Variants in RELL2 observed in about 807,000 individuals in gnomAD.
RELL2 encodes RELT like 2, also known as RELT-like protein 2.
Under a neutral mutation model 27.5 loss-of-function variants are expected in RELL2, and 18 were observed. The ratio of observed to expected loss-of-function variants is 0.65; its 90% CI spans 0.45 to 0.97. RELL2 has a LOEUF of 0.97. Among genes scored for constraint, RELL2 ranks in the 50% least tolerant of loss-of-function variants. RELL2 has a pLI of 0.00. For missense variants in RELL2, 370 were observed against 397.5 expected (o/e 0.93, Z 0.59); for synonymous variants, 156 against 147.5 (o/e 1.06, Z -0.42).
At chr5:141,638,437 C>G (rs2099906414) in intron 1 of RELL2, 28 bp downstream of exon 1, 1 of 1,585,006 alleles carries the variant, frequency 6.3e-7, no homozygotes, top group Non-Finnish European at 8.6e-7. Context: ...AACCCTGGCT[C>G]AGTCACCTTT....
In RELL2 at chr5:141,639,607, G is replaced by C. The variant is rs150312997; in HGVS notation, c.461G>C (p.Ser154Thr). The change falls in exon 4 of 7, where the codon AGC (serine) becomes ACC (threonine). Residue 154 changes from serine to threonine, a missense_variant. Ser to Thr is a moderately conservative substitution (Grantham distance 58, BLOSUM62 1). Coordinates refer to ENST00000297164, the MANE Select transcript of RELL2 (RefSeq NM_173828.5). The surrounding 1 kb of genome is among the most constrained non-coding windows in gnomAD (Gnocchi z 4.4). ...CAGGGACGCTCCAAGGAAGGAAAAA[G>C]CCGCCCCCGGACAGGGGAGACCACT... is the stretch of plus-strand genomic sequence containing the variant. ...VRQGRSKEGK[S>T]RPRTGETTVF... The C allele has an allele frequency of 1.9e-4, 300 of 1,613,542 alleles. 2 individuals carry two copies. The African/African-American group carries it at 2.2e-3, about 12-fold the overall frequency.
Position 141,640,703 on chromosome 5 carries a change from G to A in RELL2, c.*34G>A, listed in dbSNP as rs1421714431. 6.5e-7 allele frequency: 1 copy of A among 1,532,866 alleles called. No homozygotes were observed. The highest frequency in any genetic ancestry group is 1.4e-5 in the African/African-American group (1 of 73,068). The allele number at this position is 1,532,866 out of a possible 1,614,324, so 95.0% of individuals were successfully genotyped here. ...CATTGTGCTGATGGACTACCAGCTG[G>A]CAGGGCCAGGGGGTGGGTGGGCGTG... On this transcript the variant is annotated 3_prime_UTR_variant, in exon 7 of 7. Coordinates refer to ENST00000297164, the MANE Select transcript of RELL2 (RefSeq NM_173828.5).
Position 141,639,835 on chromosome 5 carries a change from A to C in RELL2, c.504-85A>C. The C allele has an allele frequency of 6.8e-7, 1 of 1,478,088 alleles. No individual in the cohort carries two copies. Among genetic ancestry groups the C allele is most frequent in the Non-Finnish European group, 9.4e-7 (1 of 1,064,952 alleles). 91.6% of individuals were successfully genotyped at this position (1,478,088 alleles called of 1,614,324 possible). On this transcript the variant is annotated intron_variant, in intron 4 of 6. Coordinates refer to ENST00000297164, the MANE Select transcript of RELL2 (RefSeq NM_173828.5). This position sits in a 1 kb window ranked among gnomAD's most constrained non-coding sequence, Gnocchi z 4.4. ...CTTAGGCCAGAGGGAAGTAGCCACC[A>C]AACTCAGGATGTCCCTGGTCAGAGG...
At position 141,639,503 on chromosome 5, in the gene RELL2, CCAT is replaced by C. The variant is rs779865975; in HGVS notation, c.363_365del (p.His122del). ...CCAGCCTGCAGGACGGAGCCCCCTC[CCAT>C]CATCACACAGTGCACCTGGGCTCTG... is the stretch of plus-strand genomic sequence containing the variant. On this transcript the variant is annotated inframe_deletion, in exon 4 of 7. Coordinates refer to ENST00000297164, the MANE Select transcript of RELL2 (RefSeq NM_173828.5). This position sits in a 1 kb window ranked among gnomAD's most constrained non-coding sequence, Gnocchi z 4.4. The C allele has an allele frequency of 6.3e-5, 101 of 1,613,980 alleles. No homozygotes were observed. Among genetic ancestry groups the C allele is most frequent in the Admixed American group, 2.7e-4 (16 of 60,010 alleles).
rs1335265304 is a variant in RELL2, at chr5:141,640,824, G to A, written c.*155G>A. The A allele has an allele frequency of 8.4e-6, 6 of 710,070 alleles. No individual in the cohort carries two copies. The highest frequency in any genetic ancestry group is 1.4e-5 in the Non-Finnish European group (6 of 437,384). The allele number at this position is 710,070 out of a possible 1,614,324, so 44.0% of individuals were successfully genotyped here. The stretch of plus-strand genomic sequence containing the variant: ...CACAGTCTCAGGCTGGGGGCCTCAG[G>A]AGAGGTCACAGCCCCTCAGTCTCTT... On this transcript the variant is annotated 3_prime_UTR_variant, in exon 7 of 7. Coordinates refer to ENST00000297164, the MANE Select transcript of RELL2 (RefSeq NM_173828.5).
In RELL2 at chr5:141,639,756, C is replaced by T. The variant is rs541259955; in HGVS notation, c.503+107C>T. On this transcript the variant is annotated intron_variant, in intron 4 of 6. Transcript: ENST00000297164. The surrounding 1 kb of genome is among the most constrained non-coding windows in gnomAD (Gnocchi z 4.4). ...CTCTTTCCTCCTGGACTGGGAGCTC[C>T]GGCAGAAGTCAGGCTACACAATGTG... 5.5e-5 allele frequency: 73 copies of T among 1,316,532 alleles called. No individual in the cohort carries two copies. The East Asian group carries it at 1.6e-3, about 28-fold the overall frequency. 81.6% of individuals were successfully genotyped at this position (1,316,532 alleles called of 1,614,324 possible).
In RELL2 at chr5:141,640,938, C is replaced by T. The variant is rs1279610390; in HGVS notation, c.*269C>T. 7.8e-6 allele frequency: 4 copies of T among 514,960 alleles called. No homozygotes were observed. The highest frequency in any genetic ancestry group is 1.4e-5 in the Non-Finnish European group (4 of 292,452). The allele number at this position is 514,960 out of a possible 1,614,324, so 31.9% of individuals were successfully genotyped here. The stretch of plus-strand genomic sequence containing the variant: ...AGAGCGTGGCAGCTGGGAGCAGGCC[C>T]CTGCCCGTGGTGGGCCCCTAAAGCA... On this transcript the variant is annotated 3_prime_UTR_variant, in exon 7 of 7. Coordinates refer to ENST00000297164, the MANE Select transcript of RELL2 (RefSeq NM_173828.5).
At chr5:141,640,375 C>T (rs1596455857) in intron 5 of RELL2, 37 bp from the exon 6 acceptor site, 1 of 1,614,164 alleles carries the variant, frequency 6.2e-7, no homozygotes. Context: ...GGACCTACTC[C>T]TGGTCTCTCA....
Position 141,638,162 on chromosome 5 carries a change from AT to A in RELL2, c.-62del, listed in dbSNP as rs2099906360. 39 of 1,096,430 alleles carry A rather than the reference AT, an allele frequency of 3.6e-5. No homozygotes were observed. The highest frequency in any genetic ancestry group is 5.2e-5 in the Non-Finnish European group (39 of 743,324). 67.9% of individuals were successfully genotyped at this position (1,096,430 alleles called of 1,614,324 possible). On this transcript the variant is annotated 5_prime_UTR_variant, in exon 1 of 7. Coordinates refer to ENST00000297164, the MANE Select transcript of RELL2 (RefSeq NM_173828.5). The stretch of plus-strand genomic sequence containing the variant: ...AGGACGGCATTCCTACCCCTCCCCC[AT>A]TCCCAGCTGCAGCCCCCTAAACCCA...
Position 141,639,076 on chromosome 5 carries a change from C to T in RELL2, c.317+55C>T, listed in dbSNP as rs762202778. On this transcript the variant is annotated intron_variant, in intron 3 of 6. Transcript: ENST00000297164. The surrounding 1 kb of genome is among the most constrained non-coding windows in gnomAD (Gnocchi z 4.4). Reference sequence around the variant, plus strand: ...TAGCTTGCCTTGGAGAGTATCCTCTCCTCCAGCACAATCCTCTCCCAGCCT... The same window carrying T: ...TAGCTTGCCTTGGAGAGTATCCTCTTCTCCAGCACAATCCTCTCCCAGCCT... The T allele has an allele frequency of 3.4e-5, 50 of 1,468,486 alleles. No homozygotes were observed. The highest frequency in any genetic ancestry group is 4.5e-5 in the Non-Finnish European group (48 of 1,060,332). The allele number at this position is 1,468,486 out of a possible 1,614,324, so 91.0% of individuals were successfully genotyped here. A position where few individuals can be genotyped will look rare whatever the true frequency, so the allele number is the denominator to read the frequency against.
Position 141,639,135 on chromosome 5 carries a change from C to A in RELL2, c.317+114C>A. ...GTATGGGGTTGGGGGAAGGGCAAAG[C>A]TGGCTAACTTATAGGAAGAAAGTTG... On this transcript the variant is annotated intron_variant, in intron 3 of 6. Coordinates refer to ENST00000297164, the MANE Select transcript of RELL2 (RefSeq NM_173828.5). This position sits in a 1 kb window ranked among gnomAD's most constrained non-coding sequence, Gnocchi z 4.4. 1 of 873,210 alleles carries A rather than the reference C, an allele frequency of 1.1e-6. No individual in the cohort carries two copies. Among genetic ancestry groups the A allele is most frequent in the Admixed American group, 2.7e-5 (1 of 36,692 alleles). The allele number at this position is 873,210 out of a possible 1,614,324, so 54.1% of individuals were successfully genotyped here.
Position 141,638,157 on chromosome 5 carries a change from C to T in RELL2, c.-69C>T. 1.0e-6 allele frequency: 1 copy of T among 970,662 alleles called. No individual in the cohort carries two copies. The highest frequency in any genetic ancestry group is 1.6e-6 in the Non-Finnish European group (1 of 629,874). The allele number at this position is 970,662 out of a possible 1,614,324, so 60.1% of individuals were successfully genotyped here. On this transcript the variant is annotated 5_prime_UTR_variant, in exon 1 of 7. Transcript: ENST00000297164. ...TCCTGAGGACGGCATTCCTACCCCT[C>T]CCCCATTCCCAGCTGCAGCCCCCTA... is the stretch of plus-strand genomic sequence containing the variant.
chr5:141,641,010 C>A lies in RELL2; in HGVS notation c.*341C>A. On this transcript the variant is annotated 3_prime_UTR_variant, in exon 7 of 7. Transcript: ENST00000297164. ...CCTCTTAGCACAAGAGGCCCAGGCC[C>A]TGGCCTGGCCTTCGTGCCCTTTATT... 1 of 405,394 alleles carries A rather than the reference C, an allele frequency of 2.5e-6. No individual in the cohort carries two copies. Among genetic ancestry groups the A allele is most frequent in the Non-Finnish European group, 4.4e-6 (1 of 228,432 alleles). The allele number at this position is 405,394 out of a possible 1,614,324, so 25.1% of individuals were successfully genotyped here.
intron 1 of RELL2, 55 bp downstream of exon 1, chr5:141,638,464 C>T (rs2099906420): frequency 1.1e-5 from 16 of 1,492,564 alleles, no homozygotes; most frequent in Non-Finnish European, 1.4e-5. Context: ...TCTCCCCACA[C>T]CTCTGCCTCC....
Position 141,640,787 on chromosome 5 carries a change from C to T in RELL2, c.*118C>T. On this transcript the variant is annotated 3_prime_UTR_variant, in exon 7 of 7. Coordinates refer to ENST00000297164, the MANE Select transcript of RELL2 (RefSeq NM_173828.5). ...CCAGCTGAGGGACCAGCTCTACTTC[C>T]ACCTGGAGTTGCACAGTCTCAGGCT... 1 of 986,398 alleles carries T rather than the reference C, an allele frequency of 1.0e-6. No individual in the cohort carries two copies. The highest frequency in any genetic ancestry group is 1.6e-5 in the South Asian group (1 of 62,484). The allele number at this position is 986,398 out of a possible 1,614,324, so 61.1% of individuals were successfully genotyped here.
chr5:141,638,746 C>A, intron 1 of RELL2, 49 bp from the exon 2 acceptor site: 1 of 1,522,142 alleles, frequency 6.6e-7, no homozygotes, highest in South Asian at 1.1e-5. Context: ...TAATATTCCC[C>A]CAAAGCTGAC....
In RELL2 at chr5:141,637,318, C is replaced by T. The variant is rs1435361974; in HGVS notation, c.-908C>T. 6 of 152,970 alleles carry T rather than the reference C, an allele frequency of 3.9e-5. No individual in the cohort carries two copies. Among genetic ancestry groups the T allele is most frequent in the African/African-American group, 1.4e-4 (6 of 41,494 alleles). The allele number at this position is 152,970 out of a possible 1,614,324, so 9.5% of individuals were successfully genotyped here. A position where few individuals can be genotyped will look rare whatever the true frequency, so the allele number is the denominator to read the frequency against. ...CAACACCCACGCCGGACCGCCTGTC[C>T]CCTACCCGGACCCAGACTCGGCGCC... is the stretch of plus-strand genomic sequence containing the variant. On this transcript the variant is annotated 5_prime_UTR_variant, in exon 1 of 7. Coordinates refer to ENST00000297164, the MANE Select transcript of RELL2 (RefSeq NM_173828.5).
chr5:141,639,905 TC>T lies in RELL2; in HGVS notation c.504-12del. On this transcript the variant is annotated splice_polypyrimidine_tract_variant and intron_variant, in intron 4 of 6. Coordinates refer to ENST00000297164, the MANE Select transcript of RELL2 (RefSeq NM_173828.5). The surrounding 1 kb of genome is among the most constrained non-coding windows in gnomAD (Gnocchi z 4.4). ...GAGTTGTGGTCCTAAACCCCAGTGT[TC>T]CCTCCCCTCCCAGGTTCCGGGTGAC... 1 of 1,613,460 alleles carries T rather than the reference TC, an allele frequency of 6.2e-7. No homozygotes were observed.
At position 141,640,004 on chromosome 5, in the gene RELL2, T is replaced by A. The variant is rs758102055; in HGVS notation, c.588T>A (p.Gly196=). The A allele has an allele frequency of 6.2e-7, 1 of 1,613,254 alleles. No homozygotes were observed. The highest frequency in any genetic ancestry group is 1.1e-5 in the South Asian group (1 of 91,058). ...CCACAGACAGGAGCTGGGGCTCTGG[T>A]GGGGGACAGGACCCAGGGGGTGGTC... ...GSPTDRSWGS[G]GGQDPGGGQG... is the part of the protein sequence containing the mutation. The change falls in exon 5 of 7, where the codon GGT becomes GGA. Residue 196 remains glycine (G), a synonymous_variant. Transcript: ENST00000297164.
Sources: gnomAD v4.1 joint callset for allele counts on GRCh38, gnomAD v4.1.1 for gene constraint, Gnocchi (gnomAD v3.1) non-coding constraint, MANE v1.5 for transcripts, NCBI Gene and HGNC (gene_info 2026-07-23, HGNC 2026-07-21) for gene names.